The following KIAA0513 variants were observed in gnomAD, a reference collection of about 807,000 sequenced individuals.
The protein encoded by KIAA0513 is uncharacterized protein KIAA0513.
Under a neutral mutation model 56.5 loss-of-function variants are expected in KIAA0513, and 39 were observed. That is an observed-to-expected ratio of 0.69 (90% confidence interval 0.53 to 0.90). The LOEUF is 0.90. Ranked by LOEUF, KIAA0513 falls within the 40% of genes least tolerant of loss-of-function variation. The pLI, the probability that KIAA0513 is intolerant of heterozygous loss-of-function variation, is 0.00. For missense variants in KIAA0513, 591 were observed against 535.2 expected (o/e 1.10, Z -1.03); for synonymous variants, 268 against 215.6 (o/e 1.24, Z -2.13).
intron 6 of KIAA0513, 122 bp downstream of exon 6, chr16:85,077,754 T>C: frequency 1.4e-6 from 1 of 718,846 alleles, no homozygotes; most frequent in Non-Finnish European, 2.3e-6. Context: ...AACACTGCGC[T>C]GCCCAGCCAC....
intron 1 of KIAA0513, among the ~76,000 whole-genome samples, chr16:85,043,755 G>A (rs576619142): frequency 5.3e-5 from 8 of 152,170 alleles, no homozygotes; most frequent in South Asian, 2.1e-4. Context: ...ACTTGAGTCC[G>A]GACGCGGTGG....
chr16:85,051,136 AC>A (rs569257203), intron 1 of KIAA0513, among the ~76,000 whole-genome samples: 112 of 152,092 alleles, frequency 7.4e-4, no homozygotes, highest in Middle Eastern at 3.4e-3. Context: ...ACAGAGTGAG[AC>A]CCTGTCTTAA....
intron 10 of KIAA0513, among the ~76,000 whole-genome samples, chr16:85,085,091 G>A (rs989488074): frequency 2.0e-5 from 3 of 152,214 alleles, no homozygotes; most frequent in African/African-American, 4.8e-5. Context: ...TGTGCAGGGC[G>A]CAACCTGCAC....
At position 85,087,108 on chromosome 16, in the gene KIAA0513, C is replaced by T. The variant is rs144983745; in HGVS notation, c.1128C>T (p.Asn376=). ...ACAACATGCTGGCCTTTGGACTGAA[C>T]AAGAAGCTGTGCAATGACTTCCTGA... ...FTHNMLAFGL[N]KKLCNDFLKK... The change falls in exon 12 of 13, where the codon AAC becomes AAT. Residue 376 remains asparagine (N), a synonymous_variant. Transcript: ENST00000683363. The T allele has an allele frequency of 1.2e-6, 2 of 1,614,110 alleles. No individual in the cohort carries two copies. The highest frequency in any genetic ancestry group is 2.7e-5 in the African/African-American group (2 of 74,944).
chr16:85,072,989 T>C lies in KIAA0513; in HGVS notation c.494T>C (p.Val165Ala). 6.2e-7 allele frequency: 1 copy of C among 1,613,966 alleles called. No homozygotes were observed. Among genetic ancestry groups the C allele is most frequent in the Non-Finnish European group, 8.5e-7 (1 of 1,179,880 alleles). ...CGCCTGGTGCAGTCTTTTGCAGTGG[T>C]GCTGTTCGAGTAAGTAATGCCGTGG... ...FYRLVQSFAV[V>A]LFECHQMDDF... Residue 165 changes from valine (V) to alanine (A), a missense_variant, in exon 4 of 13, where the codon GTG (valine) becomes GCG (alanine). Transcript: ENST00000683363.
chr16:85,054,028 C>T (rs1451801873), intron 1 of KIAA0513, among the ~76,000 whole-genome samples: 5 of 147,086 alleles, frequency 3.4e-5, no homozygotes, highest in South Asian at 2.2e-4. Flanking sequence ...AGTGTGGTGG[C>T]GCATGCTTGT....
intron 10 of KIAA0513, among the ~76,000 whole-genome samples, chr16:85,086,411 C>T (rs2073808870): frequency 6.6e-6 from 1 of 152,276 alleles, no homozygotes; most frequent in African/African-American, 2.4e-5. Flanking sequence ...TTCCACGTCT[C>T]TTTATCTTAT....
chr16:85,067,444 G>T (rs778096055), intron 2 of KIAA0513, 44 bp downstream of exon 2: 2 of 1,477,800 alleles, frequency 1.4e-6, no homozygotes. Context: ...TGGCCACAGG[G>T]CCCAAGGGGA....
At chr16:85,050,452 C>G (rs879922836) in intron 1 of KIAA0513, among the ~76,000 whole-genome samples, 48 of 151,738 alleles carry the variant, frequency 3.2e-4, no homozygotes, top group Non-Finnish European at 6.2e-4. Context: ...CGGGTTCAAG[C>G]CATTCTCCTG....
chr16:85,058,874 T>G (rs1433827496), intron 1 of KIAA0513, among the ~76,000 whole-genome samples: 1 of 152,204 alleles, frequency 6.6e-6, no homozygotes, highest in Non-Finnish European at 1.5e-5. Context: ...CAAGAGAATT[T>G]TATGAGCAAG....
intron 1 of KIAA0513, among the ~76,000 whole-genome samples, chr16:85,047,611 T>C (rs1052356506): frequency 2.6e-5 from 4 of 152,204 alleles, no homozygotes; most frequent in African/African-American, 9.7e-5. Context: ...CTGCTGGCAC[T>C]GTCACTGTTG....
chr16:85,072,855 C>A (rs974148769), intron 3 of KIAA0513, 70 bp from the exon 4 acceptor site: 3 of 1,441,946 alleles, frequency 2.1e-6, no homozygotes, highest in African/African-American at 2.8e-5. Flanking sequence ...GAGTGCAAAG[C>A]CTGCAGCTTC....
intron 1 of KIAA0513, among the ~76,000 whole-genome samples, chr16:85,054,626 C>T (rs188574619): frequency 9.2e-5 from 14 of 151,972 alleles, no homozygotes; most frequent in African/African-American, 3.4e-4. Flanking sequence ...GATGGGGCCT[C>T]ACCATGTTAG....
At chr16:85,057,208 C>T (rs2073342227) in intron 1 of KIAA0513, among the ~76,000 whole-genome samples, 1 of 152,162 alleles carries the variant, frequency 6.6e-6, no homozygotes, top group Non-Finnish European at 1.5e-5. Context: ...GTGGCGTGTA[C>T]ACTTTCATGC....
chr16:85,065,463 G>T (rs1194202351), intron 1 of KIAA0513, among the ~76,000 whole-genome samples: 1 of 152,158 alleles, frequency 6.6e-6, no homozygotes, highest in Non-Finnish European at 1.5e-5. Context: ...TGCTTTGCGG[G>T]GCTCCCCTGA....
chr16:85,061,477 C>T (rs1597617563), intron 1 of KIAA0513, among the ~76,000 whole-genome samples: 1 of 152,124 alleles, frequency 6.6e-6, no homozygotes, highest in East Asian at 1.9e-4. Flanking sequence ...GGTGCACATG[C>T]GTGTGATGTG....
intron 10 of KIAA0513, among the ~76,000 whole-genome samples, chr16:85,084,246 TTTTC>T (rs780352414): frequency 2.6e-3 from 307 of 119,298 alleles, no homozygotes; most frequent in African/African-American, 8.8e-3. Context: ...TTTCTTTTCT[TTTTC>T]TTTTTTTTTT....
At chr16:85,052,947 G>A (rs2073275003) in intron 1 of KIAA0513, among the ~76,000 whole-genome samples, 1 of 152,126 alleles carries the variant, frequency 6.6e-6, no homozygotes, top group Admixed American at 6.5e-5. Context: ...CTGGAGTGCA[G>A]TGGCACGATC....
intron 1 of KIAA0513, among the ~76,000 whole-genome samples, chr16:85,028,724 G>C (rs1032096453): frequency 9.2e-5 from 14 of 151,908 alleles, no homozygotes; most frequent in Non-Finnish European, 1.8e-4. Context: ...AGGGGCACTA[G>C]CCAGGTCCTA....
Sources: allele counts gnomAD v4.1 joint callset (sites outside exome capture counted in the v4.1 genomes callset), GRCh38; gene constraint gnomAD v4.1.1; transcripts MANE v1.5; gene names NCBI Gene and HGNC (gene_info 2026-07-23, HGNC 2026-07-21).